Variants in ARHGAP10 observed in about 807,000 individuals in gnomAD.
The protein encoded by ARHGAP10 is rho GTPase-activating protein 10.
In ARHGAP10, 87 loss-of-function variants were observed where a neutral mutation model predicts 108.6. That is an observed-to-expected ratio of 0.80 (90% CI 0.67 to 0.96). ARHGAP10 has a LOEUF of 0.96. Among genes scored for constraint, ARHGAP10 ranks in the 40% least tolerant of loss-of-function variants. The pLI is 0.00. For missense variants in ARHGAP10, 939 were observed against 954.5 expected (o/e 0.98, Z 0.21); for synonymous variants, 347 against 341.1 (o/e 1.02, Z -0.19).
intron 13 of ARHGAP10, among the ~76,000 whole-genome samples, chr4:147,935,423 A>G (rs752582737): frequency 7.2e-5 from 11 of 152,250 alleles, no homozygotes; most frequent in Non-Finnish European, 1.5e-4. Flanking sequence ...TGTGCATGAA[A>G]TTCAGGACTG....
intron 4 of ARHGAP10, among the ~76,000 whole-genome samples, chr4:147,850,913 C>T (rs1361642332): frequency 6.6e-6 from 1 of 152,202 alleles, no homozygotes; most frequent in African/African-American, 2.4e-5. Flanking sequence ...AGATCCTGAA[C>T]AACTTAGGGG....
intron 10 of ARHGAP10, among the ~76,000 whole-genome samples, chr4:147,897,756 C>A (rs1560815685): frequency 6.6e-6 from 1 of 152,126 alleles, no homozygotes; most frequent in East Asian, 1.9e-4. Context: ...TACATGACTA[C>A]TTTTATTTTA....
In ARHGAP10 at chr4:148,071,391, G is replaced by A. The variant is rs533928748; in HGVS notation, c.2273-602G>A. 4.6e-5 allele frequency among the ~76,000 whole-genome samples: 7 copies of A among 152,334 alleles called. No homozygotes were observed. In the East Asian group the frequency reaches 7.7e-4, roughly 17 times the overall value. Reference sequence around the variant, plus strand: ...AGCACTCTGGGGGGCCAAGGCGAGTGGATCACCTGAGGTCAGGAGTTTAAG... The same window carrying A: ...AGCACTCTGGGGGGCCAAGGCGAGTAGATCACCTGAGGTCAGGAGTTTAAG... On this transcript the variant is annotated intron_variant, in intron 22 of 22. Coordinates refer to ENST00000336498, the MANE Select transcript of ARHGAP10 (RefSeq NM_024605.4).
chr4:147,897,756 CTTTTA>C (rs1018330282), intron 10 of ARHGAP10, among the ~76,000 whole-genome samples: 16 of 152,244 alleles, frequency 1.1e-4, no homozygotes, highest in Admixed American at 2.0e-4. Context: ...TACATGACTA[CTTTTA>C]TTTTATGAAA....
chr4:147,874,957 A>T (rs1265654430), intron 7 of ARHGAP10, 64 bp from the exon 8 acceptor site: 1 of 1,424,002 alleles, frequency 7.0e-7, no homozygotes, highest in African/African-American at 1.5e-5. Context: ...AGAGACTTTA[A>T]AATGTTCATG....
chr4:147,872,636 A>G (rs1734879071), intron 7 of ARHGAP10, among the ~76,000 whole-genome samples: 1 of 152,248 alleles, frequency 6.6e-6, no homozygotes, highest in African/African-American at 2.4e-5. Context: ...ATAGCTGATT[A>G]CCACACATTT....
chr4:148,064,404 C>T lies in ARHGAP10; in HGVS notation c.2181-12C>T. 1.9e-6 allele frequency: 3 copies of T among 1,612,602 alleles called. No homozygotes were observed. The highest frequency in any genetic ancestry group is 1.7e-6 in the Non-Finnish European group (2 of 1,179,290). On this transcript the variant is annotated splice_polypyrimidine_tract_variant and intron_variant, in intron 21 of 22. Transcript: ENST00000336498. ...TTTTCATTGGTGTCTTTTGTATTCT[C>T]TTTCTTTTCAGCATCCGCAGTCGGA...
intron 16 of ARHGAP10, among the ~76,000 whole-genome samples, chr4:147,963,080 ACT>A (rs1464084192): frequency 6.6e-6 from 1 of 151,974 alleles, no homozygotes; most frequent in Admixed American, 6.6e-5. Context: ...CCCAAATATA[ACT>A]CTATTCATAT....
chr4:147,773,544 T>C (rs182390014), intron 1 of ARHGAP10, among the ~76,000 whole-genome samples: 2 of 152,350 alleles, frequency 1.3e-5, no homozygotes, highest in East Asian at 3.9e-4. Flanking sequence ...ACTTAAATAT[T>C]GTATTCTGAG....
At chr4:147,784,956 A>G (rs1182867173) in intron 1 of ARHGAP10, among the ~76,000 whole-genome samples, 2 of 133,240 alleles carry the variant, frequency 1.5e-5, no homozygotes, top group Non-Finnish European at 3.1e-5. Flanking sequence ...CATGTTATAA[A>G]ATATATTATG....
chr4:147,997,698 T>C (rs896765611), intron 18 of ARHGAP10, among the ~76,000 whole-genome samples: 2 of 152,206 alleles, frequency 1.3e-5, no homozygotes, highest in Non-Finnish European at 2.9e-5. Context: ...TAACTTAACC[T>C]GGTCAAAGAA....
intron 20 of ARHGAP10, among the ~76,000 whole-genome samples, chr4:148,058,476 T>C (rs557817169): frequency 5.3e-5 from 8 of 152,340 alleles, no homozygotes; most frequent in African/African-American, 7.2e-5. Context: ...CTTGTATCTC[T>C]AGTGCTGCCC....
At chr4:147,839,134 ATCTATCTATCTGTCTG>A (rs1361506947) in intron 3 of ARHGAP10, among the ~76,000 whole-genome samples, 19 of 144,022 alleles carry the variant, frequency 1.3e-4, no homozygotes, top group African/African-American at 5.0e-4. Flanking sequence ...CTATCTATCT[ATCTATCTATCTGTCTG>A]TCTGTCTATG....
At chr4:147,801,316 A>C (rs770458373) in intron 1 of ARHGAP10, among the ~76,000 whole-genome samples, 7 of 152,176 alleles carry the variant, frequency 4.6e-5, no homozygotes, top group African/African-American at 7.2e-5. Flanking sequence ...CTCTTAATGA[A>C]TCCACTATTT....
At chr4:147,744,109 A>G (rs2126682847) in intron 1 of ARHGAP10, among the ~76,000 whole-genome samples, 1 of 152,328 alleles carries the variant, frequency 6.6e-6, no homozygotes, top group South Asian at 2.1e-4. Context: ...AAGCAATTAC[A>G]TTCACATTGT....
At chr4:147,785,470 T>C (rs1230816098) in intron 1 of ARHGAP10, among the ~76,000 whole-genome samples, 1 of 152,164 alleles carries the variant, frequency 6.6e-6, no homozygotes, top group Non-Finnish European at 1.5e-5. Context: ...AGAACACAAA[T>C]ATTGCAAAGA....
intron 7 of ARHGAP10, among the ~76,000 whole-genome samples, chr4:147,868,775 C>A (rs1458936645): frequency 6.6e-6 from 1 of 152,106 alleles, no homozygotes; most frequent in Non-Finnish European, 1.5e-5. Flanking sequence ...TCTAGATCCA[C>A]GTGCGCAGTT....
At chr4:147,984,102 C>A (rs1040910060) in intron 18 of ARHGAP10, among the ~76,000 whole-genome samples, 1 of 152,132 alleles carries the variant, frequency 6.6e-6, no homozygotes, top group Non-Finnish European at 1.5e-5. Flanking sequence ...GAGGTTCCTA[C>A]AGTGGCTTTC....
chr4:147,987,819 G>A (rs1361808047), intron 18 of ARHGAP10, among the ~76,000 whole-genome samples: 2 of 152,154 alleles, frequency 1.3e-5, no homozygotes, highest in Admixed American at 6.5e-5. Flanking sequence ...GAAGAGGAGT[G>A]GGAGAGAAGT....
Sources: gnomAD v4.1 joint callset for allele counts (sites outside exome capture counted in the v4.1 genomes callset) on GRCh38, gnomAD v4.1.1 for gene constraint, MANE v1.5 for transcripts, NCBI Gene and HGNC (gene_info 2026-07-23, HGNC 2026-07-21) for gene names.